The following SLC6A7 variants were observed in gnomAD, a reference collection of about 807,000 sequenced individuals.
SLC6A7 encodes sodium-dependent proline transporter.
Under a neutral mutation model 73.1 loss-of-function variants are expected in SLC6A7, and 58 were observed. The ratio of observed to expected loss-of-function variants is 0.79; its 90% CI spans 0.64 to 0.99. The LOEUF is 0.99. Among genes scored for constraint, SLC6A7 ranks in the 50% least tolerant of loss-of-function variants. The probability of loss-of-function intolerance (pLI) is 0.00; values close to 1 mark genes in which losing one functional copy is unlikely to be tolerated. For synonymous variants in SLC6A7, 338 were observed against 338.7 expected, an observed-to-expected ratio of 1.00 and a Z score of 0.02; for missense variants, 783 against 831.4, an observed-to-expected ratio of 0.94 and a Z score of 0.72.
chr5:150,196,849 T>A lies in SLC6A7; in HGVS notation c.349+2T>A. ...GGAAAATCAGCCCTCTCTTCAAAGG[T>A]GAGGCCTCAGTGGTCCCCAGGGAGG... On this transcript the variant is annotated splice_donor_variant, in intron 3 of 13. Coordinates refer to ENST00000230671, the MANE Select transcript of SLC6A7 (RefSeq NM_014228.5). LOFTEE classifies it high-confidence loss of function. The A allele has an allele frequency of 6.2e-7, 1 of 1,613,338 alleles. No individual in the cohort carries two copies. The highest frequency in any genetic ancestry group is 2.2e-5 in the East Asian group (1 of 44,864).
intron 13 of SLC6A7, among the ~76,000 whole-genome samples, chr5:150,209,177 G>A (rs1033950862): frequency 1.3e-5 from 2 of 152,236 alleles, no homozygotes; most frequent in Non-Finnish European, 2.9e-5. Flanking sequence ...AGAGCCGAGC[G>A]GCATTGCCAA....
chr5:150,200,528 A>G (rs2286641), intron 5 of SLC6A7, among the ~76,000 whole-genome samples: 104,495 of 151,610 alleles, frequency 0.69, 36,608 homozygotes, highest in Middle Eastern at 0.77. Flanking sequence ...GAAACCTTCA[A>G]GATGGCTTGC....
rs1391573269 is a variant in SLC6A7 at position 150,199,376 on chromosome 5, G to C, written c.723+10G>C. 1 of 1,608,504 alleles carries C rather than the reference G, an allele frequency of 6.2e-7. No individual in the cohort carries two copies. The highest frequency in any genetic ancestry group is 1.1e-5 in the South Asian group (1 of 90,586). On this transcript the variant is annotated intron_variant, in intron 5 of 13. Transcript: ENST00000230671. The stretch of plus-strand genomic sequence containing the variant: ...GAAGTCTTCGGGCAAGGTGAAGCCT[G>C]GGAGGCCCCGGAGGCCTGAGGGGCT...
chr5:150,194,679 G>T (rs766023216), intron 1 of SLC6A7, 49 bp from the exon 2 acceptor site: 3 of 1,430,360 alleles, frequency 2.1e-6, no homozygotes, highest in Middle Eastern at 1.7e-4. Context: ...CACATTTCTG[G>T]CCTGGCCTCA....
Position 150,204,546 on chromosome 5 carries a change from G to T in SLC6A7, c.1347G>T (p.Trp449Cys), listed in dbSNP as rs1244588370. Residue 449 changes from tryptophan (W) to cysteine (C), a missense_variant, in exon 11 of 14, where the codon TGG becomes TGT. Coordinates refer to ENST00000230671, the MANE Select transcript of SLC6A7 (RefSeq NM_014228.5). The stretch of plus-strand genomic sequence containing the variant: ...TTGTGTTTTAGGGGGGCATGTACTG[G>T]CTGGTCCTTCTGGATGACTACAGCG... ...LILTTDGGMY[W>C]LVLLDDYSAS... The T allele has an allele frequency of 3.7e-6, 6 of 1,613,832 alleles. No homozygotes were observed. The highest frequency in any genetic ancestry group is 3.4e-6 in the Non-Finnish European group (4 of 1,179,772).
chr5:150,205,369 C>T (rs974267775), intron 12 of SLC6A7, 87 bp from the exon 13 acceptor site: 23 of 1,152,632 alleles, frequency 2.0e-5, no homozygotes, highest in African/African-American at 3.1e-5. Context: ...TGTCTCAGGC[C>T]TTGGGCTGGC....
intron 4 of SLC6A7, among the ~76,000 whole-genome samples, chr5:150,198,101 AAGAAAGAAAGAAAGAG>A (rs1362080996): frequency 9.7e-4 from 103 of 105,908 alleles, no homozygotes; most frequent in Middle Eastern, 4.8e-3. Flanking sequence ...GAAAGAAAGA[AAGAAAGAAAGAAAGAG>A]AAAGAAAGAA....
At chr5:150,193,257 T>G (rs1248506874) in intron 1 of SLC6A7, among the ~76,000 whole-genome samples, 2 of 152,214 alleles carry the variant, frequency 1.3e-5, no homozygotes, top group East Asian at 3.8e-4. Flanking sequence ...GAGGGTCTCC[T>G]AAGGGAGAAT....
At position 150,209,413 on chromosome 5, in the gene SLC6A7, A is replaced by G. The variant is rs780545758; in HGVS notation, c.1709A>G (p.Gln570Arg). 6.2e-7 allele frequency: 1 copy of G among 1,613,096 alleles called. No homozygotes were observed. ...REEGSLWERL[Q>R]QASRPAMDWG... Reference sequence around the variant, plus strand: ...CTCGTTGCTTTGCTGCAGCGGCTCCAACAGGCCAGCCGGCCGGCCATGGAC... The same window carrying G: ...CTCGTTGCTTTGCTGCAGCGGCTCCGACAGGCCAGCCGGCCGGCCATGGAC... Residue 570 changes from glutamine to arginine, a missense_variant, in exon 14 of 14, where the codon CAA (glutamine) becomes CGA (arginine). Physicochemically the swap from Gln to Arg is conservative, Grantham distance 43. Coordinates refer to ENST00000230671, the MANE Select transcript of SLC6A7 (RefSeq NM_014228.5).
chr5:150,196,648 C>T (rs773472525), intron 2 of SLC6A7, 68 bp from the exon 3 acceptor site: 129 of 1,504,598 alleles, frequency 8.6e-5, no homozygotes, highest in Non-Finnish European at 1.0e-4. Context: ...AGGGGAGGGG[C>T]GGGGCTAGAG....
rs1033707236 is a variant in SLC6A7 at position 150,209,726 on chromosome 5, T to C, written c.*111T>C. 3.4e-6 allele frequency: 3 copies of C among 894,290 alleles called. No homozygotes were observed. The highest frequency in any genetic ancestry group is 5.3e-6 in the Non-Finnish European group (3 of 568,004). 55.4% of individuals were successfully genotyped at this position (894,290 alleles called of 1,614,324 possible). On this transcript the variant is annotated 3_prime_UTR_variant, in exon 14 of 14. Transcript: ENST00000230671. The stretch of plus-strand genomic sequence containing the variant: ...GATTCTGAGAGGCTATGGGGGGGCC[T>C]GCCATAGGGATGCCAGTCCCCCAGT...
intron 13 of SLC6A7, among the ~76,000 whole-genome samples, chr5:150,205,969 C>G (rs1753679238): frequency 6.6e-6 from 1 of 152,160 alleles, no homozygotes; most frequent in Admixed American, 6.5e-5. Context: ...GTGAGGGACC[C>G]CAGAGGGCAG....
intron 1 of SLC6A7, 36 bp downstream of exon 1, chr5:150,190,396 T>A (rs1429557126): frequency 6.9e-7 from 1 of 1,444,652 alleles, no homozygotes; most frequent in African/African-American, 1.5e-5. Context: ...GGGGTGCACC[T>A]GGAGGAGGGT....
intron 2 of SLC6A7, among the ~76,000 whole-genome samples, chr5:150,196,341 C>T (rs575627267): frequency 3.3e-5 from 5 of 152,232 alleles, no homozygotes; most frequent in East Asian, 3.9e-4. Flanking sequence ...GTGTCTGAGG[C>T]GGCATGGTGG....
chr5:150,195,360 T>C (rs1752970074), intron 2 of SLC6A7, among the ~76,000 whole-genome samples: 1 of 151,628 alleles, frequency 6.6e-6, no homozygotes, highest in Non-Finnish European at 1.5e-5. Context: ...GTTCCTTCCA[T>C]TCAGGCTGCA....
chr5:150,196,244 G>T (rs1320401750), intron 2 of SLC6A7, among the ~76,000 whole-genome samples: 1 of 152,162 alleles, frequency 6.6e-6, no homozygotes, highest in Non-Finnish European at 1.5e-5. Flanking sequence ...ATATGGTGGT[G>T]GGCAGTTCTC....
At chr5:150,209,320 G>T (rs1562106661) in intron 13 of SLC6A7, 86 bp from the exon 14 acceptor site, 5 of 1,105,324 alleles carry the variant, frequency 4.5e-6, no homozygotes, top group Non-Finnish European at 6.9e-6. Flanking sequence ...GATGTGGTCA[G>T]GTGTTTGCTG....
chr5:150,209,634 A>C lies in SLC6A7; in HGVS notation c.*19A>C, dbSNP rs955248495. On this transcript the variant is annotated 3_prime_UTR_variant, in exon 14 of 14. Coordinates refer to ENST00000230671, the MANE Select transcript of SLC6A7 (RefSeq NM_014228.5). ...GATGTGAGGCAGGAGGCAGGCGGGC[A>C]GAAGGCCCTGCCCGGGACCTCACAG... 18 of 1,561,616 alleles carry C rather than the reference A, an allele frequency of 1.2e-5. No homozygotes were observed. Among genetic ancestry groups the C allele is most frequent in the Non-Finnish European group, 1.4e-5 (16 of 1,147,874 alleles).
At chr5:150,198,106 AG>A (rs1562085418) in intron 4 of SLC6A7, among the ~76,000 whole-genome samples, 7 of 53,748 alleles carry the variant, frequency 1.3e-4, no homozygotes, top group African/African-American at 4.0e-4. Context: ...AAAGAAAGAA[AG>A]AAAGAAAGAG....
Sources: gnomAD v4.1 joint callset for allele counts (sites outside exome capture counted in the v4.1 genomes callset) on GRCh38, gnomAD v4.1.1 for gene constraint, MANE v1.5 for transcripts, NCBI Gene and HGNC (gene_info 2026-07-23, HGNC 2026-07-21) for gene names.